The following DGKB variants were observed in gnomAD, a reference collection of about 807,000 sequenced individuals.
The protein encoded by DGKB is 90 kDa diacylglycerol kinase.
Under a neutral mutation model 114.3 loss-of-function variants are expected in DGKB, and 67 were observed. That is an observed-to-expected ratio of 0.59 (90% CI 0.48 to 0.72). DGKB has a LOEUF of 0.72. Ranked by LOEUF, DGKB falls within the 30% of genes least tolerant of loss-of-function variation. The probability of loss-of-function intolerance (pLI) is 0.00; values close to 1 mark genes in which losing one functional copy is unlikely to be tolerated. For missense variants in DGKB, 907 were observed against 975.2 expected, an observed-to-expected ratio of 0.93 and a Z score of 0.93; for synonymous variants, 398 against 323.1, an observed-to-expected ratio of 1.23 and a Z score of -2.49.
chr7:14,953,558 C>T (rs1318355272), intron 1 of DGKB, among the ~76,000 whole-genome samples: 2 of 152,014 alleles, frequency 1.3e-5, no homozygotes, highest in Non-Finnish European at 2.9e-5. Context: ...CAGGTGTTGA[C>T]ATAAATGGAG....
At chr7:14,656,118 C>T (rs1317006956) in intron 13 of DGKB, among the ~76,000 whole-genome samples, 1 of 151,456 alleles carries the variant, frequency 6.6e-6, no homozygotes, top group Non-Finnish European at 1.5e-5. Context: ...TTCATACAGG[C>T]ATCAAAATAT....
At chr7:14,862,881 T>C (rs1354956620) in intron 1 of DGKB, among the ~76,000 whole-genome samples, 1 of 152,134 alleles carries the variant, frequency 6.6e-6, no homozygotes, top group East Asian at 1.9e-4. Context: ...GTGTTAAACA[T>C]ATTATATAGC....
chr7:14,925,405 T>C (rs181009408), intron 1 of DGKB, among the ~76,000 whole-genome samples: 71 of 152,282 alleles, frequency 4.7e-4, no homozygotes, highest in Admixed American at 1.7e-3. Flanking sequence ...TACTGATGAG[T>C]TTGGAGATTT....
chr7:14,789,034 C>T (rs149680324), intron 2 of DGKB, among the ~76,000 whole-genome samples: 4 of 151,972 alleles, frequency 2.6e-5, no homozygotes, highest in Non-Finnish European at 5.9e-5. Flanking sequence ...GTACTCCAGA[C>T]CCAACCTTAA....
chr7:14,392,995 G>GTTTTGTTTTTTTTTTTTTTTTT (rs1554404749), intron 21 of DGKB, among the ~76,000 whole-genome samples: 8 of 60,544 alleles, frequency 1.3e-4, no homozygotes, highest in African/African-American at 3.4e-4. Context: ...TTTTGTTTTT[G>GTTTTGTTTTTTTTTTTTTTTTT]TTTTTTTTTT....
At chr7:14,261,347 G>A (rs1163397779) in intron 23 of DGKB, among the ~76,000 whole-genome samples, 10 of 151,872 alleles carry the variant, frequency 6.6e-5, no homozygotes, top group Non-Finnish European at 1.0e-4. Flanking sequence ...TTTTAATAAT[G>A]TATAGGTGGC....
In DGKB at chr7:14,841,235, A is replaced by G; in HGVS notation, c.29T>C (p.Leu10Pro). The G allele has an allele frequency of 2.5e-6, 4 of 1,613,682 alleles. No individual in the cohort carries two copies. The highest frequency in any genetic ancestry group is 3.4e-6 in the Non-Finnish European group (4 of 1,179,750). MTNQEKWAH[L>P]SPSEFSQLQK... ...AAGTTGGGAAAATTCCGAAGGGCTGAGGTGGGCCCATTTTTCCTGGTTTGT... is the reference window on the plus strand; with the variant it reads ...AAGTTGGGAAAATTCCGAAGGGCTGGGGTGGGCCCATTTTTCCTGGTTTGT... Residue 10 changes from leucine to proline, a missense_variant, in exon 2 of 26, where the codon CTC becomes CCC. By Grantham distance (98) the Leu-to-Pro change is moderately conservative. Around this residue, in one of 3 missense-constraint regions of DGKB, gnomAD observed 814 missense variants for 856.6 expected, o/e 0.95. Transcript: ENST00000402815.
rs1784479670 is a variant in DGKB at position 14,920,851 on chromosome 7, T to C, written c.-188+53845A>G. Among the ~76,000 whole-genome samples the C allele has an allele frequency of 2.1e-5, 3 of 140,018 alleles. No individual in the cohort carries two copies. In the South Asian group the frequency reaches 7.8e-4, roughly 36 times the overall value. 91.9% of individuals were successfully genotyped at this position (140,018 alleles called of 152,430 possible). On this transcript the variant is annotated intron_variant, in intron 1 of 4. Coordinates refer to the DGKB transcript ENST00000437998. ...TGAGCTATGAAGCCAAGGAAAGACA[T>C]AAATAAACTTACATGTATTTTTCTG...
rs1256048377 is a variant in DGKB, at chr7:14,284,374, A to T, written c.2122+54141T>A. Among the ~76,000 whole-genome samples, 3 of 143,892 alleles carry T rather than the reference A, an allele frequency of 2.1e-5. No homozygotes were observed. The South Asian group carries it at 6.4e-4, about 31-fold the overall frequency. 94.4% of individuals were successfully genotyped at this position (143,892 alleles called of 152,430 possible). The stretch of plus-strand genomic sequence containing the variant: ...AGTCAGGAAACAACAGGTGCTGGAG[A>T]GGATGTGGAGAAATAGGAACACTTT... On this transcript the variant is annotated intron_variant, in intron 23 of 25. Coordinates refer to ENST00000402815, the MANE Select transcript of DGKB (RefSeq NM_001350709.2).
chr7:14,581,091 T>A (rs17665172), intron 18 of DGKB, 140 bp from the exon 19 acceptor site: 22,223 of 492,424 alleles, frequency 0.045, 675 homozygotes, highest in South Asian at 0.065. Flanking sequence ...GTTTTAGATA[T>A]ACACAATAAT....
chr7:14,497,109 C>T (rs1785416162), intron 20 of DGKB, among the ~76,000 whole-genome samples: 1 of 151,496 alleles, frequency 6.6e-6, no homozygotes, highest in Non-Finnish European at 1.5e-5. Flanking sequence ...TACGCATGTT[C>T]TTATTTATAA....
rs578159554 is a variant in DGKB, at chr7:14,703,192, A to T, written c.467-1462T>A. Among the ~76,000 whole-genome samples the T allele has an allele frequency of 5.5e-4, 84 of 152,378 alleles. 1 individual carries two copies. Among genetic ancestry groups the T allele is most frequent in the South Asian group, 3.9e-3 (19 of 4,834 alleles). ...AATTGACGGACTACTCAGAGAAATGATTAACTACCAGGAATAAGGCAAATA... is the reference window on the plus strand; with the variant it reads ...AATTGACGGACTACTCAGAGAAATGTTTAACTACCAGGAATAAGGCAAATA... On this transcript the variant is annotated intron_variant, in intron 6 of 25. Transcript: ENST00000402815.
chr7:14,512,720 T>G (rs140576871), intron 20 of DGKB, among the ~76,000 whole-genome samples: 5 of 152,192 alleles, frequency 3.3e-5, no homozygotes, highest in African/African-American at 7.2e-5. Flanking sequence ...CTACTAAATG[T>G]GATTAGAAGG....
chr7:14,881,696 C>T (rs1160627448), intron 1 of DGKB, among the ~76,000 whole-genome samples: 1 of 151,994 alleles, frequency 6.6e-6, no homozygotes, highest in Non-Finnish European at 1.5e-5. Flanking sequence ...CTTCAACTTC[C>T]TATTTACTAT....
intron 8 of DGKB, 94 bp from the exon 9 acceptor site, chr7:14,694,288 G>A: frequency 3.6e-6 from 4 of 1,102,788 alleles, no homozygotes; most frequent in Non-Finnish European, 3.9e-6. Context: ...CAGCTAAGTG[G>A]AGAGTTGGGA....
intron 21 of DGKB, among the ~76,000 whole-genome samples, chr7:14,424,771 G>A (rs1827243885): frequency 6.6e-6 from 1 of 152,042 alleles, no homozygotes; most frequent in Non-Finnish European, 1.5e-5. Flanking sequence ...AGGCTCAAGG[G>A]TTTGAAATAA....
At chr7:14,211,490 ATTTACTCTCATGTTTTGTGAT>A (rs1428417739) in intron 23 of DGKB, among the ~76,000 whole-genome samples, 10 of 19,992 alleles carry the variant, frequency 5.0e-4, no homozygotes, top group South Asian at 3.2e-3. Flanking sequence ...GTTTTGTGAT[ATTTACTCTCATGTTTTGTGAT>A]TTTACTCTCA....
intron 4 of DGKB, among the ~76,000 whole-genome samples, chr7:14,739,948 G>A (rs896669549): frequency 3.7e-4 from 57 of 152,210 alleles, no homozygotes; most frequent in African/African-American, 1.2e-3. Context: ...CGTTCCCGCC[G>A]TGCTGGGGCA....
chr7:14,454,810 C>A (rs979537731), intron 21 of DGKB, among the ~76,000 whole-genome samples: 1 of 151,890 alleles, frequency 6.6e-6, no homozygotes, highest in African/African-American at 2.4e-5. Flanking sequence ...GGAATAAAAA[C>A]AAAAGAAATG....
Sources: allele counts gnomAD v4.1 joint callset (sites outside exome capture counted in the v4.1 genomes callset), GRCh38; gene constraint gnomAD v4.1.1; regional missense constraint gnomAD v4.1.1; transcripts MANE v1.5; gene names NCBI Gene and HGNC (gene_info 2026-07-23, HGNC 2026-07-21).